The following DGKG variants were observed in gnomAD, a reference collection of about 807,000 sequenced individuals.
DGKG encodes diacylglycerol kinase gamma, also known as DAG kinase gamma.
DGKG carries 78 observed loss-of-function variants against 105.3 expected under a neutral mutation model. The observed-to-expected ratio is 0.74, with a 90% CI of 0.62 to 0.89. The LOEUF is 0.89. Ranked by LOEUF, DGKG falls within the 40% of genes least tolerant of loss-of-function variation. The pLI is 0.00. For synonymous variants in DGKG, 346 were observed against 367.1 expected (o/e 0.94, Z 0.66); for missense variants, 958 against 1,020.1 (o/e 0.94, Z 0.83).
At chr3:186,200,506 G>T (rs1044165128) in intron 21 of DGKG, among the ~76,000 whole-genome samples, 2 of 152,186 alleles carry the variant, frequency 1.3e-5, no homozygotes, top group Non-Finnish European at 2.9e-5. Flanking sequence ...TCAGGAGGAG[G>T]CTGGGTGCCC....
intron 22 of DGKG, among the ~76,000 whole-genome samples, chr3:186,187,483 G>A (rs1255527024): frequency 6.6e-6 from 1 of 152,208 alleles, no homozygotes; most frequent in Non-Finnish European, 1.5e-5. Flanking sequence ...GAAGGTTTGG[G>A]GGAGGGACAG....
intron 21 of DGKG, among the ~76,000 whole-genome samples, chr3:186,209,758 G>A (rs1718935849): frequency 6.6e-6 from 1 of 151,966 alleles, no homozygotes; most frequent in Non-Finnish European, 1.5e-5. Context: ...GCCTCGCCCT[G>A]TCCGTCTCTC....
At chr3:186,247,165 C>A (rs1374542713) in intron 19 of DGKG, among the ~76,000 whole-genome samples, 3 of 152,272 alleles carry the variant, frequency 2.0e-5, no homozygotes, top group Non-Finnish European at 4.4e-5. Flanking sequence ...ATAAGGCCAA[C>A]GATCTTAGCT....
In DGKG at chr3:186,265,281, C is replaced by A. The variant is rs747330221; in HGVS notation, c.1235G>T (p.Gly412Val). ...AAGTTCGCCCTTGGCGGACACGCAG[C>A]CATCAGACTTCTCACCTGGCCTGTC... ...TRDRPGEKSD[G>V]CVSAKGELVM... Residue 412 changes from glycine (G) to valine (V), a missense_variant, in exon 14 of 25, where the codon GGC becomes GTC. Gly to Val is a moderately radical substitution (Grantham distance 109, BLOSUM62 -3). Transcript: ENST00000265022. 1.9e-6 allele frequency: 3 copies of A among 1,614,206 alleles called. No homozygotes were observed. The highest frequency in any genetic ancestry group is 2.5e-6 in the Non-Finnish European group (3 of 1,180,026).
chr3:186,333,385 C>A (rs1352209013), intron 1 of DGKG, among the ~76,000 whole-genome samples: 1 of 152,100 alleles, frequency 6.6e-6, no homozygotes, highest in African/African-American at 2.4e-5. Context: ...TAATGGGGAC[C>A]TTAAGCAGAC....
In DGKG at chr3:186,311,944, G is replaced by A. The variant is rs532587513; in HGVS notation, c.68-4967C>T. 6.8e-5 allele frequency among the ~76,000 whole-genome samples: 9 copies of A among 133,036 alleles called. No individual in the cohort carries two copies. In the East Asian group the frequency reaches 1.2e-3, roughly 17 times the overall value. The allele number at this position is 133,036 out of a possible 152,430, so 87.3% of individuals were successfully genotyped here. On this transcript the variant is annotated intron_variant, in intron 2 of 24. Coordinates refer to ENST00000265022, the MANE Select transcript of DGKG (RefSeq NM_001346.3). ...ATCCTGGCTAACAAGGTGAAACCCC[G>A]TCTCTACTAAAAATACAAAAAATTA... is the stretch of plus-strand genomic sequence containing the variant.
rs1282663730 is a variant in DGKG at position 186,253,186 on chromosome 3, C to T, written c.1511-4G>A. 1 of 1,612,396 alleles carries T rather than the reference C, an allele frequency of 6.2e-7. No individual in the cohort carries two copies. The highest frequency in any genetic ancestry group is 2.2e-5 in the East Asian group (1 of 44,874). ...TGCTTTGCAAAGTTGGCCTTATCTGCAAGACACACAGAGGAACAGAGAACC... is the reference window on the plus strand; with the variant it reads ...TGCTTTGCAAAGTTGGCCTTATCTGTAAGACACACAGAGGAACAGAGAACC... On this transcript the variant is annotated splice_polypyrimidine_tract_variant and splice_region_variant and intron_variant, in intron 17 of 24. Transcript: ENST00000265022.
At chr3:186,318,461 G>A (rs1191162492) in intron 2 of DGKG, among the ~76,000 whole-genome samples, 3 of 152,068 alleles carry the variant, frequency 2.0e-5, no homozygotes, top group African/African-American at 4.8e-5. Flanking sequence ...CTCTGTTATC[G>A]GTTCAACCGT....
intron 24 of DGKG, chr3:186,161,218 C>CCA: frequency 1.0e-6 from 1 of 996,176 alleles, no homozygotes; most frequent in South Asian, 4.4e-5. Context: ...CGTAAGGAAG[C>CCA]AATTTGACTT....
intron 22 of DGKG, among the ~76,000 whole-genome samples, chr3:186,181,359 C>T (rs973036192): frequency 6.6e-6 from 1 of 152,182 alleles, no homozygotes; most frequent in Non-Finnish European, 1.5e-5. Flanking sequence ...GGGTATCTGT[C>T]TCCCTGTCTT....
At chr3:186,261,826 G>A (rs974830326) in intron 14 of DGKG, 48 bp from the exon 15 acceptor site, 45 of 1,255,976 alleles carry the variant, frequency 3.6e-5, no homozygotes, top group Non-Finnish European at 2.4e-5. Flanking sequence ...ATCCAATAGG[G>A]GGCGTGAGAT....
intron 1 of DGKG, among the ~76,000 whole-genome samples, chr3:186,337,083 TA>T (rs1315887955): frequency 1.3e-5 from 2 of 152,168 alleles, no homozygotes; most frequent in African/African-American, 4.8e-5. Context: ...TTCTCTTACA[TA>T]AACCATTCCA....
intron 2 of DGKG, among the ~76,000 whole-genome samples, chr3:186,307,950 CAT>C (rs1724334796): frequency 6.6e-6 from 1 of 150,920 alleles, no homozygotes; most frequent in South Asian, 2.1e-4. Context: ...CATTCTGACA[CAT>C]AAAACATAAC....
intron 16 of DGKG, 77 bp downstream of exon 16, chr3:186,260,362 G>T: frequency 9.6e-7 from 1 of 1,038,770 alleles, no homozygotes; most frequent in East Asian, 2.4e-5. Flanking sequence ...AGAAAAAAAA[G>T]GTGACAAAAG....
chr3:186,349,987 C>A (rs1037158687), intron 1 of DGKG, among the ~76,000 whole-genome samples: 1 of 151,838 alleles, frequency 6.6e-6, no homozygotes, highest in South Asian at 2.1e-4. Flanking sequence ...CAGGTTCAAG[C>A]GATTCTCATG....
At chr3:186,326,447 ATCTCTCTC>A (rs60832383) in intron 1 of DGKG, among the ~76,000 whole-genome samples, 5 of 139,066 alleles carry the variant, frequency 3.6e-5, no homozygotes, top group South Asian at 4.7e-4. Context: ...CACACCCCTC[ATCTCTCTC>A]TCTCTCTCTC....
intron 22 of DGKG, among the ~76,000 whole-genome samples, chr3:186,166,023 C>T: frequency 6.6e-6 from 1 of 152,192 alleles, no homozygotes; most frequent in East Asian, 1.9e-4. Context: ...GCTTATATAA[C>T]AGGTGGCTTC....
chr3:186,216,756 T>C (rs1229002422), intron 20 of DGKG, among the ~76,000 whole-genome samples: 1 of 152,182 alleles, frequency 6.6e-6, no homozygotes, highest in Non-Finnish European at 1.5e-5. Flanking sequence ...GCAATGTTCC[T>C]TCTTCTCTTT....
At chr3:186,311,249 A>C (rs996934090) in intron 2 of DGKG, among the ~76,000 whole-genome samples, 9 of 152,174 alleles carry the variant, frequency 5.9e-5, no homozygotes, top group Non-Finnish European at 1.0e-4. Flanking sequence ...CTAGGACATG[A>C]TTTTATTGTT....
Sources: allele counts gnomAD v4.1 joint callset (sites outside exome capture counted in the v4.1 genomes callset), GRCh38; gene constraint gnomAD v4.1.1; transcripts MANE v1.5; gene names NCBI Gene and HGNC (gene_info 2026-07-23, HGNC 2026-07-21).